NBPF26: variants seen among roughly 807,000 people sequenced by gnomAD.
NBPF26 encodes NBPF family member NBPF26.
Under a neutral mutation model 119.6 loss-of-function variants are expected in NBPF26, and 79 were observed. The observed-to-expected ratio is 0.66, with a 90% CI of 0.55 to 0.80. The LOEUF (loss-of-function observed/expected upper bound fraction) is 0.80, where lower values mean the gene tolerates loss of function less well. Ranked by LOEUF, NBPF26 falls within the 30% of genes least tolerant of loss-of-function variation. The probability of loss-of-function intolerance (pLI) is 0.00; values close to 1 mark genes in which losing one functional copy is unlikely to be tolerated. For missense variants in NBPF26, 800 were observed against 1,198.2 expected, an observed-to-expected ratio of 0.67 and a Z score of 4.91; for synonymous variants, 299 against 457.7, an observed-to-expected ratio of 0.65 and a Z score of 4.43.
rs1330800679 is a variant in NBPF26 at position 120,724,401 on chromosome 1, C to G, written c.73+151C>G. Among the ~76,000 whole-genome samples, 2 of 120,370 alleles carry G rather than the reference C, an allele frequency of 1.7e-5. 1 individual carries two copies. Among genetic ancestry groups the G allele is most frequent in the Non-Finnish European group, 3.3e-5 (2 of 61,464 alleles). The allele number at this position is 120,370 out of a possible 152,430, so 79.0% of individuals were successfully genotyped here. A position where few individuals can be genotyped will look rare whatever the true frequency, so the allele number is the denominator to read the frequency against. The stretch of plus-strand genomic sequence containing the variant: ...CTCGCTGGGTTCCCAAGAGTTTGGA[C>G]ATCGCCGGGGGCCCCTCCCGTGGTG... On this transcript the variant is annotated intron_variant, in intron 1 of 29. Coordinates refer to ENST00000620612, the Ensembl canonical transcript of NBPF26.
At chr1:120,805,204 G>C (rs1480963324) in intron 4 of NBPF26, among the ~76,000 whole-genome samples, 1 of 126,134 alleles carries the variant, frequency 7.9e-6, no homozygotes, top group Non-Finnish European at 1.6e-5. Context: ...TGAGACTAGG[G>C]TGCCTGTGTT....
At position 120,724,131 on chromosome 1, in the gene NBPF26, C is replaced by G; in HGVS notation, c.-47C>G. 4.5e-6 allele frequency: 6 copies of G among 1,338,010 alleles called. 2 individuals are homozygous for G. The highest frequency in any genetic ancestry group is 5.8e-6 in the Non-Finnish European group (6 of 1,032,204). The allele number at this position is 1,338,010 out of a possible 1,614,324, so 82.9% of individuals were successfully genotyped here. On this transcript the variant is annotated 5_prime_UTR_variant, in exon 1 of 30. Transcript: ENST00000620612. ...CCCTCCCCATGTGGATCTGCCCAGG[C>G]GGCGGCGGCGGCGGCGGCGGAGGAG...
rs1206962436 is a variant in NBPF26 at position 120,728,475 on chromosome 1, T to C, written c.73+4225T>C. On this transcript the variant is annotated intron_variant, in intron 1 of 29. Coordinates refer to ENST00000620612, the Ensembl canonical transcript of NBPF26. ...TGTGGGGTTTCTTTCTTTCTTTTTC[T>C]GATCACTTCTGCAATTTATAAATCA... 1.7e-5 allele frequency among the ~76,000 whole-genome samples: 2 copies of C among 115,488 alleles called. 1 individual carries two copies. The highest frequency in any genetic ancestry group is 4.2e-4 in the East Asian group (2 of 4,762). 75.8% of individuals were successfully genotyped at this position (115,488 alleles called of 152,430 possible).
chr1:120,792,506 ATT>A (rs1281049564), intron 3 of NBPF26, among the ~76,000 whole-genome samples: 3 of 101,452 alleles, frequency 3.0e-5, no homozygotes, highest in South Asian at 2.8e-4. Flanking sequence ...AGGGAAGTTG[ATT>A]TTTTTTTTTT....
In NBPF26 at chr1:120,756,644, G is replaced by A. The variant is rs1338023712; in HGVS notation, c.74-6984G>A. Among the ~76,000 whole-genome samples, 4 of 118,360 alleles carry A rather than the reference G, an allele frequency of 3.4e-5. 1 individual carries two copies. In the South Asian group the frequency reaches 7.3e-4, roughly 22 times the overall value. The allele number at this position is 118,360 out of a possible 152,430, so 77.6% of individuals were successfully genotyped here. The stretch of plus-strand genomic sequence containing the variant: ...GAAGGCTTCTCAGATTACACTGGCT[G>A]AAGTACAGACTTAATTACTCATGTT... On this transcript the variant is annotated intron_variant, in intron 1 of 29. Coordinates refer to ENST00000620612, the Ensembl canonical transcript of NBPF26.
rs1553269681 is a variant in NBPF26 at position 120,805,557 on chromosome 1, C to A, written c.753C>A (p.Val251=). Reference sequence around the variant, plus strand: ...TATGTTTGGGTTTCTTCTCCCCAGTCCCTGACTCCACCTCTTCTGCCACAA... The same window carrying A: ...TATGTTTGGGTTTCTTCTCCCCAGTACCTGACTCCACCTCTTCTGCCACAA... Residue 251 remains valine, a splice_region_variant and synonymous_variant, in exon 5 of 30, where the codon GTC becomes GTA. Transcript: ENST00000620612. 7.2e-6 allele frequency: 10 copies of A among 1,388,328 alleles called. 2 individuals carry two copies. Among genetic ancestry groups the A allele is most frequent in the Non-Finnish European group, 9.8e-6 (10 of 1,015,238 alleles). The allele number at this position is 1,388,328 out of a possible 1,614,324, so 86.0% of individuals were successfully genotyped here.
rs1332636133 is a variant in NBPF26, at chr1:120,767,719, A to G, written c.155+4010A>G. On this transcript the variant is annotated intron_variant, in intron 2 of 29. Transcript: ENST00000620612. ...TATGTAATTAAATTTGATGTCATTA[A>G]TCACTTTCAAGTTGTTGTTTGCTTC... Among the ~76,000 whole-genome samples, 23 of 115,612 alleles carry G rather than the reference A, an allele frequency of 2.0e-4. 4 individuals carry two copies. Among genetic ancestry groups the G allele is most frequent in the Middle Eastern group, 3.8e-3 (1 of 264 alleles). 75.8% of individuals were successfully genotyped at this position (115,612 alleles called of 152,430 possible).
At position 120,811,471 on chromosome 1, in the gene NBPF26, G is replaced by A. The variant is rs1209907842; in HGVS notation, c.1565-415G>A. ...GAGGGATGAGAATCACTTGAACCCGGGCGGCAGAGGTGGCAGTGAGCTGAG... is the reference window on the plus strand; with the variant it reads ...GAGGGATGAGAATCACTTGAACCCGAGCGGCAGAGGTGGCAGTGAGCTGAG... On this transcript the variant is annotated intron_variant, in intron 9 of 29. Coordinates refer to ENST00000620612, the Ensembl canonical transcript of NBPF26. Among the ~76,000 whole-genome samples, 2 of 112,140 alleles carry A rather than the reference G, an allele frequency of 1.8e-5. 1 individual carries two copies. Among genetic ancestry groups the A allele is most frequent in the African/African-American group, 1.0e-4 (2 of 19,168 alleles). The allele number at this position is 112,140 out of a possible 152,430, so 73.6% of individuals were successfully genotyped here.
chr1:120,810,726 G>A lies in NBPF26; in HGVS notation c.1564+168G>A, dbSNP rs1262917910. Among the ~76,000 whole-genome samples, 5 of 113,108 alleles carry A rather than the reference G, an allele frequency of 4.4e-5. 1 individual carries two copies. The highest frequency in any genetic ancestry group is 8.6e-5 in the Non-Finnish European group (5 of 58,030). 74.2% of individuals were successfully genotyped at this position (113,108 alleles called of 152,430 possible). On this transcript the variant is annotated intron_variant, in intron 9 of 29. Transcript: ENST00000620612. ...CACAGCACTTTGGAAGGCCCAAGTG[G>A]GACGATGACTTGAGTTCAGGAGTTG...
At chr1:120,820,448 ATATAT>A (rs1407560525) in intron 15 of NBPF26, among the ~76,000 whole-genome samples, 5 of 2,288 alleles carry the variant, frequency 2.2e-3, no homozygotes, top group East Asian at 6.4e-3. Flanking sequence ...AGTATTAAAA[ATATAT>A]ATATATATAT....
chr1:120,778,597 C>T (rs1269572267), intron 2 of NBPF26, among the ~76,000 whole-genome samples: 2 of 23,024 alleles, frequency 8.7e-5, no homozygotes, highest in Non-Finnish European at 1.4e-4. Flanking sequence ...TTTGAATGGC[C>T]AAATCCTCGT....
intron 4 of NBPF26, among the ~76,000 whole-genome samples, chr1:120,801,776 C>G (rs1275821410): frequency 1.4e-5 from 1 of 73,972 alleles, no homozygotes; most frequent in African/African-American, 9.8e-5. Flanking sequence ...TTGCAGTGAT[C>G]TATAATCACC....
Position 120,823,353 on chromosome 1 carries a change from G to A in NBPF26, c.2632G>A (p.Gly878Ser), listed in dbSNP as rs1553272255. Residue 878 changes from glycine (G) to serine (S), a missense_variant, in exon 17 of 30, where the codon GGT (glycine) becomes AGT (serine). By Grantham distance (56) the Gly-to-Ser change is moderately conservative. Around this residue, in one of 13 missense-constraint regions of NBPF26, gnomAD observed 73 missense variants for 50.7 expected, o/e 1.44. Transcript: ENST00000620612. ...GAAAAAGGAGGACCACGAGGCAACAGGTCCCAGGTGAGTCTGAGAAATTGT... is the reference window on the plus strand; with the variant it reads ...GAAAAAGGAGGACCACGAGGCAACAAGTCCCAGGTGAGTCTGAGAAATTGT... 3.0e-4 allele frequency: 426 copies of A among 1,413,550 alleles called. 92 individuals carry two copies. The highest frequency in any genetic ancestry group is 6.1e-4 in the Middle Eastern group (3 of 4,934). The allele number at this position is 1,413,550 out of a possible 1,614,324, so 87.6% of individuals were successfully genotyped here.
intron 3 of NBPF26, among the ~76,000 whole-genome samples, chr1:120,790,519 T>C (rs1651475280): frequency 8.9e-6 from 1 of 112,130 alleles, no homozygotes; most frequent in African/African-American, 5.4e-5. Flanking sequence ...GTTGATTCTT[T>C]CTTTCTTTCT....
In NBPF26 at chr1:120,785,164, C is replaced by G. The variant is rs1474715191; in HGVS notation, c.346C>G (p.Leu116Val). 8 of 1,446,290 alleles carry G rather than the reference C, an allele frequency of 5.5e-6. 2 individuals are homozygous for G. The highest frequency in any genetic ancestry group is 7.4e-6 in the Non-Finnish European group (8 of 1,082,192). The allele number at this position is 1,446,290 out of a possible 1,614,324, so 89.6% of individuals were successfully genotyped here. A position where few individuals can be genotyped will look rare whatever the true frequency, so the allele number is the denominator to read the frequency against. The change falls in exon 3 of 30, where the codon CTG (leucine) becomes GTG (valine). Residue 116 changes from leucine (L) to valine (V), a missense_variant. Coordinates refer to ENST00000620612, the Ensembl canonical transcript of NBPF26. ...TCCATGCTTTGTGTCTCGACCTTGCCTGAATGGCGGCACATGCCATATGCT... is the reference window on the plus strand; with the variant it reads ...TCCATGCTTTGTGTCTCGACCTTGCGTGAATGGCGGCACATGCCATATGCT...
At chr1:120,805,133 G>C (rs1651649327) in intron 4 of NBPF26, among the ~76,000 whole-genome samples, 1 of 125,478 alleles carries the variant, frequency 8.0e-6, no homozygotes, top group Admixed American at 7.7e-5. Context: ...TGTCAACAAG[G>C]GTACACGAAT....
In NBPF26 at chr1:120,840,394, A is replaced by G; in HGVS notation, c.4148A>G (p.Gln1383Arg). 5 of 1,464,104 alleles carry G rather than the reference A, an allele frequency of 3.4e-6. 1 individual carries two copies. In the Admixed American group the frequency reaches 5.5e-5, roughly 16 times the overall value. The allele number at this position is 1,464,104 out of a possible 1,614,324, so 90.7% of individuals were successfully genotyped here. Residue 1383 changes from glutamine to arginine, a missense_variant, in exon 30 of 30, where the codon CAG becomes CGG. Around this residue, in one of 13 missense-constraint regions of NBPF26, gnomAD observed 155 missense variants for 95.9 expected, o/e 1.62. Coordinates refer to ENST00000620612, the Ensembl canonical transcript of NBPF26. Reference sequence around the variant, plus strand: ...GAAGTGGAAGAGCCTGAAGTCTTGCAGGACTCACTGGATATATGTTATTCG... The same window carrying G: ...GAAGTGGAAGAGCCTGAAGTCTTGCGGGACTCACTGGATATATGTTATTCG...
At chr1:120,755,933 C>CTTTTTT (rs1168463033) in intron 1 of NBPF26, among the ~76,000 whole-genome samples, 1 of 87,304 alleles carries the variant, frequency 1.1e-5, no homozygotes, top group Non-Finnish European at 2.0e-5. Context: ...TCTCTTATTG[C>CTTTTTT]TTTTTTTTTT....
intron 1 of NBPF26, among the ~76,000 whole-genome samples, chr1:120,744,974 G>A (rs1438840280): frequency 3.5e-5 from 1 of 28,408 alleles, no homozygotes; most frequent in African/African-American, 4.9e-4. Context: ...AAAAAAATTA[G>A]CCAGGAGTGG....
Sources: gnomAD v4.1 joint callset for allele counts (sites outside exome capture counted in the v4.1 genomes callset) on GRCh38, gnomAD v4.1.1 for gene constraint, gnomAD v4.1.1 regional missense constraint, MANE v1.5 for transcripts, NCBI Gene and HGNC (gene_info 2026-07-23, HGNC 2026-07-21) for gene names.